THRAP3: variants seen among roughly 807,000 people sequenced by gnomAD.
THRAP3 encodes the protein thyroid hormone receptor-associated protein 3.
A neutral mutation model predicts 101.0 loss-of-function variants in THRAP3; 16 were observed. The ratio of observed to expected loss-of-function variants is 0.16; its 90% CI spans 0.11 to 0.24. THRAP3 has a LOEUF of 0.24. THRAP3 is among the 10% of genes least tolerant of loss of function. The probability of loss-of-function intolerance (pLI) is 1.00; values close to 1 mark genes in which losing one functional copy is unlikely to be tolerated. For synonymous variants in THRAP3, 407 were observed against 422.6 expected (o/e 0.96, Z 0.45); for missense variants, 989 against 1,202.7 (o/e 0.82, Z 2.63).
At chr1:36,267,346 C>A (rs1455949340) in intron 2 of THRAP3, among the ~76,000 whole-genome samples, 2 of 152,166 alleles carry the variant, frequency 1.3e-5, no homozygotes, top group South Asian at 4.1e-4. Context: ...ATGTTCCCCT[C>A]TATTCGTGTA....
chr1:36,248,427 A>G (rs1002439383), intron 1 of THRAP3, among the ~76,000 whole-genome samples: 3 of 144,782 alleles, frequency 2.1e-5, no homozygotes, highest in African/African-American at 7.6e-5. Flanking sequence ...GGCCAGACCC[A>G]TTGCACCCAG....
At chr1:36,282,097 T>A (rs1194558738) in intron 2 of THRAP3, among the ~76,000 whole-genome samples, 1 of 152,080 alleles carries the variant, frequency 6.6e-6, no homozygotes, top group Non-Finnish European at 1.5e-5. Context: ...ATTTTTTTTT[T>A]AACTTTGTAG....
chr1:36,219,106 T>C, the THRAP3 span, among the ~76,000 whole-genome samples: 1 of 151,196 alleles, frequency 6.6e-6, no homozygotes, highest in African/African-American at 2.4e-5. Flanking sequence ...AACAGCCTTA[T>C]TGCTGATACA....
chr1:36,220,978 T>C (rs34141280), upstream of THRAP3, among the ~76,000 whole-genome samples: 6 of 114,626 alleles, frequency 5.2e-5, no homozygotes, highest in Non-Finnish European at 8.6e-5. Context: ...AAAAAATATA[T>C]ATATATATAT....
intron 1 of THRAP3, among the ~76,000 whole-genome samples, chr1:36,239,472 G>C (rs908356243): frequency 1.3e-5 from 2 of 152,042 alleles, no homozygotes; most frequent in Admixed American, 6.6e-5. Context: ...TCACCATGTT[G>C]CCCAGATTGG....
chr1:36,283,141 A>G (rs1162105611), intron 3 of THRAP3, among the ~76,000 whole-genome samples: 1 of 152,224 alleles, frequency 6.6e-6, no homozygotes, highest in Admixed American at 6.5e-5. Flanking sequence ...AACTTACAGA[A>G]ACTTATCAGG....
chr1:36,225,247 A>C (rs1295459137), intron 1 of THRAP3: 1 of 152,314 alleles, frequency 6.6e-6, no homozygotes, highest in Non-Finnish European at 1.5e-5. Flanking sequence ...GTGGCAGTAC[A>C]GTGTTTATGG....
chr1:36,294,731 T>A (rs1645923212), intron 8 of THRAP3, among the ~76,000 whole-genome samples: 1 of 152,190 alleles, frequency 6.6e-6, no homozygotes, highest in South Asian at 2.1e-4. Context: ...GTACCCCTTC[T>A]CCAGCTTTGT....
chr1:36,271,257 G>A (rs1279974962), intron 2 of THRAP3, among the ~76,000 whole-genome samples: 2 of 152,120 alleles, frequency 1.3e-5, no homozygotes, highest in Non-Finnish European at 2.9e-5. Context: ...CCAAGTTCCA[G>A]GATAATTTTG....
In THRAP3 at chr1:36,304,250, A is replaced by T; in HGVS notation, c.*233A>T. The stretch of plus-strand genomic sequence containing the variant: ...CCAGCTTTTGAGCAGAATACAACGC[A>T]TTGGGCTTTAGCTGTTTTTCTCATT... On this transcript the variant is annotated 3_prime_UTR_variant, in exon 12 of 12. Coordinates refer to ENST00000354618, the MANE Select transcript of THRAP3 (RefSeq NM_005119.4). The T allele has an allele frequency of 9.8e-6, 4 of 408,542 alleles. No individual in the cohort carries two copies. The highest frequency in any genetic ancestry group is 8.4e-6 in the Non-Finnish European group (2 of 237,856). 25.3% of individuals were successfully genotyped at this position (408,542 alleles called of 1,614,324 possible). A position where few individuals can be genotyped will look rare whatever the true frequency, so the allele number is the denominator to read the frequency against.
chr1:36,291,625 T>C, intron 6 of THRAP3, 79 bp downstream of exon 6: 6 of 1,508,498 alleles, frequency 4.0e-6, no homozygotes, highest in Non-Finnish European at 5.4e-6. Flanking sequence ...ATAAGGAGTT[T>C]TGGGGGACCT....
At position 36,286,058 on chromosome 1, in the gene THRAP3, T is replaced by G. The variant is rs544248769; in HGVS notation, c.138-310T>G. 1.0e-3 allele frequency among the ~76,000 whole-genome samples: 159 copies of G among 152,360 alleles called. 1 individual carries two copies. The highest frequency in any genetic ancestry group is 3.5e-3 in the African/African-American group (146 of 41,584). On this transcript the variant is annotated intron_variant, in intron 3 of 11. Transcript: ENST00000354618. This position sits in a 1 kb window ranked among gnomAD's most constrained non-coding sequence, Gnocchi z 5.5. ...ATTATTATGGTATATTAAAATGGTC[T>G]TTGTGTGGTTTACTACCTTAAGAAA...
upstream of THRAP3, among the ~76,000 whole-genome samples, chr1:36,222,705 G>C (rs1174874878): frequency 2.0e-5 from 3 of 151,318 alleles, no homozygotes; most frequent in African/African-American, 7.3e-5. Context: ...CACCGCGCCC[G>C]GCCTATGCCT....
In THRAP3 at chr1:36,224,489, C is replaced by T. The variant is rs1258794567; in HGVS notation, c.-151C>T. The T allele has an allele frequency of 6.5e-6, 1 of 152,698 alleles. No individual in the cohort carries two copies. The highest frequency in any genetic ancestry group is 1.5e-5 in the Non-Finnish European group (1 of 68,248). The allele number at this position is 152,698 out of a possible 1,614,324, so 9.5% of individuals were successfully genotyped here. A position where few individuals can be genotyped will look rare whatever the true frequency, so the allele number is the denominator to read the frequency against. ...TTCCGTTGCGAGCTGCAGCTGCGAT[C>T]TCTGTGGTAGGCCCAGGTGAGTGAG... On this transcript the variant is annotated 5_prime_UTR_variant, in exon 1 of 12. Transcript: ENST00000354618.
At chr1:36,232,210 A>G (rs1294444086) in intron 1 of THRAP3, among the ~76,000 whole-genome samples, 5 of 152,114 alleles carry the variant, frequency 3.3e-5, no homozygotes, top group African/African-American at 9.7e-5. Context: ...AGGAGACCCT[A>G]TCTCGAAAAG....
At chr1:36,225,744 G>A (rs1268566699) in intron 1 of THRAP3, among the ~76,000 whole-genome samples, 1 of 152,132 alleles carries the variant, frequency 6.6e-6, no homozygotes, top group African/African-American at 2.4e-5. Flanking sequence ...GCCAAAACCG[G>A]CTCCTGCCAT....
At chr1:36,209,190 C>G in the THRAP3 span, among the ~76,000 whole-genome samples, 2 of 151,886 alleles carry the variant, frequency 1.3e-5, no homozygotes, top group African/African-American at 4.8e-5. Flanking sequence ...ATTGCCCAGG[C>G]TGGTCTCAAA....
At chr1:36,208,759 C>T in the THRAP3 span, among the ~76,000 whole-genome samples, 8 of 152,064 alleles carry the variant, frequency 5.3e-5, no homozygotes, top group South Asian at 2.1e-4. Flanking sequence ...CTCCACCTCC[C>T]GATTTCAACC....
chr1:36,229,934 G>A (rs1312229803), intron 1 of THRAP3, among the ~76,000 whole-genome samples: 1 of 143,796 alleles, frequency 7.0e-6, no homozygotes, highest in Non-Finnish European at 1.5e-5. Context: ...TTATAGGCGT[G>A]AGCCATCGCG....
Sources: gnomAD v4.1 joint callset for allele counts (sites outside exome capture counted in the v4.1 genomes callset) on GRCh38, gnomAD v4.1.1 for gene constraint, Gnocchi (gnomAD v3.1) non-coding constraint, MANE v1.5 for transcripts, NCBI Gene and HGNC (gene_info 2026-07-23, HGNC 2026-07-21) for gene names.